Variants in ARHGEF3 observed in about 807,000 individuals in gnomAD.
ARHGEF3 encodes Rho guanine nucleotide exchange factor 3.
ARHGEF3 carries 28 observed loss-of-function variants against 63.2 expected under a neutral mutation model. The observed-to-expected ratio is 0.44, with a 90% CI of 0.33 to 0.61. The LOEUF is 0.61. Among genes scored for constraint, ARHGEF3 ranks in the 20% least tolerant of loss-of-function variants. The pLI, the probability that ARHGEF3 is intolerant of heterozygous loss-of-function variation, is 0.03. For missense variants in ARHGEF3, 533 were observed against 659.3 expected, an observed-to-expected ratio of 0.81 and a Z score of 2.10; for synonymous variants, 266 against 254.2, an observed-to-expected ratio of 1.05 and a Z score of -0.44.
intron 2 of ARHGEF3, chr3:57,007,229 G>T (rs1308108515): frequency 7.8e-7 from 1 of 1,289,558 alleles, no homozygotes; most frequent in Admixed American, 2.3e-5. Flanking sequence ...AGGTGGGGGG[G>T]TCAATAACAC....
chr3:56,761,974 A>G (rs141295097), intron 2 of ARHGEF3, among the ~76,000 whole-genome samples: 34 of 152,264 alleles, frequency 2.2e-4, no homozygotes, highest in South Asian at 6.2e-4. Context: ...AAGTTTCTCA[A>G]CCTGGCCACC....
At chr3:56,927,181 C>G (rs1020677757) in intron 3 of ARHGEF3, among the ~76,000 whole-genome samples, 8 of 152,170 alleles carry the variant, frequency 5.3e-5, no homozygotes, top group African/African-American at 1.9e-4. Flanking sequence ...TAAATGGGAA[C>G]AGTAAGAGGA....
intron 3 of ARHGEF3, among the ~76,000 whole-genome samples, chr3:56,887,153 T>C (rs971832469): frequency 1.6e-4 from 25 of 152,092 alleles, no homozygotes; most frequent in African/African-American, 4.8e-4. Context: ...TGGTGGCAAA[T>C]AGGTTACGTC....
chr3:57,024,354 C>T (rs545131729), intron 2 of ARHGEF3, among the ~76,000 whole-genome samples: 70 of 150,758 alleles, frequency 4.6e-4, no homozygotes, highest in South Asian at 4.2e-3. Context: ...AGCCACCATA[C>T]CTGGAAGGCC....
intron 2 of ARHGEF3, among the ~76,000 whole-genome samples, chr3:56,772,891 A>G (rs1432653775): frequency 6.6e-6 from 1 of 152,148 alleles, no homozygotes; most frequent in Non-Finnish European, 1.5e-5. Flanking sequence ...TGTAGGATGA[A>G]GTATGGAAAA....
intron 3 of ARHGEF3, among the ~76,000 whole-genome samples, chr3:56,891,768 A>C (rs1375314427): frequency 1.3e-5 from 2 of 152,190 alleles, no homozygotes; most frequent in Non-Finnish European, 2.9e-5. Context: ...GCCCTCAGCA[A>C]CTACTCAAAT....
chr3:56,961,183 C>G (rs1265184453), intron 2 of ARHGEF3, among the ~76,000 whole-genome samples: 4 of 152,070 alleles, frequency 2.6e-5, no homozygotes, highest in Admixed American at 2.0e-4. Context: ...AGCATTATAA[C>G]AGTGTTATAT....
chr3:56,826,421 T>C (rs1011424510), intron 4 of ARHGEF3, among the ~76,000 whole-genome samples: 1 of 152,234 alleles, frequency 6.6e-6, no homozygotes, highest in Non-Finnish European at 1.5e-5. Flanking sequence ...ATTTATATTA[T>C]ATATCTAAGT....
At position 56,895,733 on chromosome 3, in the gene ARHGEF3, G is replaced by C. The variant is rs1454333585; in HGVS notation, c.130-13379C>G. Among the ~76,000 whole-genome samples the C allele has an allele frequency of 2.0e-5, 3 of 152,232 alleles. No homozygotes were observed. In the South Asian group the frequency reaches 6.2e-4, roughly 32 times the overall value. ...CTGCCTCGGCCTCCCAAAGTGCTGGGATTACAGGCATGAGCCACCGCACCC... is the reference window on the plus strand; with the variant it reads ...CTGCCTCGGCCTCCCAAAGTGCTGGCATTACAGGCATGAGCCACCGCACCC... On this transcript the variant is annotated intron_variant, in intron 3 of 12. Transcript: ENST00000338458.
chr3:56,932,064 T>G (rs2042425803), intron 3 of ARHGEF3, among the ~76,000 whole-genome samples: 2 of 152,216 alleles, frequency 1.3e-5, no homozygotes, highest in Admixed American at 1.3e-4. Flanking sequence ...GATGCCATAT[T>G]TTAAAATTCC....
intron 1 of ARHGEF3, among the ~76,000 whole-genome samples, chr3:56,785,210 C>T (rs578181244): frequency 6.6e-6 from 1 of 152,264 alleles, no homozygotes; most frequent in East Asian, 1.9e-4. Context: ...CATATTCCTG[C>T]CTTCCTTTTC....
At chr3:57,014,215 G>A (rs1022587589) in intron 2 of ARHGEF3, among the ~76,000 whole-genome samples, 10 of 152,080 alleles carry the variant, frequency 6.6e-5, no homozygotes, top group African/African-American at 1.9e-4. Flanking sequence ...CTCCAAACAC[G>A]TCTGAATATC....
At chr3:56,932,425 T>C (rs2042439370) in intron 3 of ARHGEF3, among the ~76,000 whole-genome samples, 1 of 152,232 alleles carries the variant, frequency 6.6e-6, no homozygotes. Context: ...TTTTGTTTCC[T>C]GCTTCTTAAA....
chr3:56,957,634 G>A (rs1447417106), intron 3 of ARHGEF3, among the ~76,000 whole-genome samples: 1 of 152,108 alleles, frequency 6.6e-6, no homozygotes, highest in African/African-American at 2.4e-5. Flanking sequence ...GAAACTGCAG[G>A]GGTACATAGG....
rs548308045 is a variant in ARHGEF3 at position 56,839,149 on chromosome 3, A to T, written c.192+43143T>A. Among the ~76,000 whole-genome samples the T allele has an allele frequency of 4.6e-3, 700 of 151,010 alleles. 5 individuals are homozygous for T. Among genetic ancestry groups the T allele is most frequent in the Middle Eastern group, 0.014 (4 of 294 alleles). ...GTGAGACCTTGTCTCAAAAAAAAAA[A>T]ATTTTTTTTTGTATAACCTGTCTCA... On this transcript the variant is annotated intron_variant, in intron 4 of 12. Transcript: ENST00000338458.
At chr3:56,750,950 C>T (rs1012157551) in intron 6 of ARHGEF3, 106 bp downstream of exon 6, 1 of 808,242 alleles carries the variant, frequency 1.2e-6, no homozygotes, top group Non-Finnish European at 1.7e-6. Flanking sequence ...GTGAAACCAA[C>T]ATTTGTAAAA....
intron 8 of ARHGEF3, among the ~76,000 whole-genome samples, chr3:56,732,655 C>T (rs546403549): frequency 6.6e-6 from 1 of 152,256 alleles, no homozygotes; most frequent in East Asian, 1.9e-4. Flanking sequence ...ATGGAGAAAG[C>T]CCTTCTGCCT....
At chr3:56,931,003 AATGAC>A (rs1446900716) in intron 3 of ARHGEF3, among the ~76,000 whole-genome samples, 3 of 152,306 alleles carry the variant, frequency 2.0e-5, no homozygotes, top group African/African-American at 7.2e-5. Flanking sequence ...AGAAGAAAAA[AATGAC>A]ATGACATCAA....
intron 2 of ARHGEF3, among the ~76,000 whole-genome samples, chr3:57,017,432 T>G (rs897542592): frequency 1.3e-5 from 2 of 152,194 alleles, no homozygotes; most frequent in Non-Finnish European, 2.9e-5. Flanking sequence ...GTGGGTTAAC[T>G]GGCACTGCTC....
Sources: allele counts gnomAD v4.1 joint callset (sites outside exome capture counted in the v4.1 genomes callset), GRCh38; gene constraint gnomAD v4.1.1; transcripts MANE v1.5; gene names NCBI Gene and HGNC (gene_info 2026-07-23, HGNC 2026-07-21).